Variants in FUT2 observed in about 807,000 individuals in gnomAD.
FUT2 encodes fucosyltransferase 2 (H blood group).
For missense variants in FUT2, 419 were observed against 465.8 expected, an observed-to-expected ratio of 0.90 and a Z score of 0.93; for synonymous variants, 182 against 193.1, an observed-to-expected ratio of 0.94 and a Z score of 0.48.
chr19:48,697,145 A>G (rs2032426047), intron 1 of FUT2, among the ~76,000 whole-genome samples: 2 of 151,216 alleles, frequency 1.3e-5, no homozygotes, highest in Non-Finnish European at 2.9e-5. Context: ...CAGGAGTTCG[A>G]GACCAGTCTG....
At chr19:48,696,218 A>G (rs1404032846) in intron 1 of FUT2, 129 bp downstream of exon 1, 2 of 152,050 alleles carry the variant, frequency 1.3e-5, no homozygotes, top group African/African-American at 2.4e-5. Flanking sequence ...AGGCACCCCC[A>G]ACTCAGGACC....
At chr19:48,697,276 C>CGGA (rs1211321948) in intron 1 of FUT2, among the ~76,000 whole-genome samples, 1 of 137,242 alleles carries the variant, frequency 7.3e-6, no homozygotes. Flanking sequence ...ACCCGGGAGG[C>CGGA]GGAGGTTGTG....
rs2032449278 is a variant in FUT2 at position 48,698,160 on chromosome 19, T to C, written c.-3+2071T>C. Among the ~76,000 whole-genome samples the C allele has an allele frequency of 2.0e-5, 3 of 151,660 alleles. No homozygotes were observed. The South Asian group carries it at 6.4e-4, about 32-fold the overall frequency. ...ACAAGGACAATGAAACACAGAGAGG[T>C]AAAAGCCCTGGGTTAAAGTCACACA... On this transcript the variant is annotated intron_variant, in intron 1 of 1. Coordinates refer to ENST00000425340, the MANE Select transcript of FUT2 (RefSeq NM_000511.6).
intron 1 of FUT2, among the ~76,000 whole-genome samples, chr19:48,696,978 G>A (rs2032422310): frequency 6.6e-6 from 1 of 152,052 alleles, no homozygotes; most frequent in African/African-American, 2.4e-5. Flanking sequence ...AAGGGGCTGC[G>A]AGCTGGGAAG....
rs909168641 is a variant in FUT2 at position 48,705,451 on chromosome 19, C to G, written c.*1463C>G. On this transcript the variant is annotated 3_prime_UTR_variant, in exon 2 of 2. Coordinates refer to ENST00000425340, the MANE Select transcript of FUT2 (RefSeq NM_000511.6). ...CTAGTTAGTCCATCTGGAAGTGGAG[C>G]CTTTTTCCAGTTTGCACAAATGTGC... 1 of 166,948 alleles carries G rather than the reference C, an allele frequency of 6.0e-6. No homozygotes were observed. The highest frequency in any genetic ancestry group is 2.4e-5 in the African/African-American group (1 of 41,416). The allele number at this position is 166,948 out of a possible 1,614,324, so 10.3% of individuals were successfully genotyped here.
Position 48,703,514 on chromosome 19 carries a change from G to C in FUT2, c.558G>C (p.Gln186His), listed in dbSNP as rs142550481. 1.3e-5 allele frequency: 21 copies of C among 1,613,054 alleles called. No homozygotes were observed. In the African/African-American group the frequency reaches 2.5e-4, roughly 19 times the overall value. ...EEAQKFLRGL[Q>H]VNGSRPGTFV... ...CCCAGAAGTTCCTGCGGGGCCTGCA[G>C]GTGAACGGGAGCCGGCCGGGCACCT... The change falls in exon 2 of 2, where the codon CAG (glutamine) becomes CAC (histidine). Residue 186 changes from glutamine (Q) to histidine (H), a missense_variant. Gln to His is a conservative substitution (Grantham distance 24). Coordinates refer to ENST00000425340, the MANE Select transcript of FUT2 (RefSeq NM_000511.6).
intron 1 of FUT2, among the ~76,000 whole-genome samples, chr19:48,698,588 T>C (rs1240037282): frequency 6.6e-6 from 1 of 151,994 alleles, no homozygotes; most frequent in Non-Finnish European, 1.5e-5. Flanking sequence ...ATTACAGGCA[T>C]GTGCCACCAC....
intron 1 of FUT2, among the ~76,000 whole-genome samples, chr19:48,699,843 G>T (rs187430888): frequency 1.3e-5 from 2 of 152,060 alleles, no homozygotes; most frequent in Non-Finnish European, 2.9e-5. Flanking sequence ...TTGTAGTGAT[G>T]AGAAAGGAGC....
At chr19:48,699,838 G>A (rs2032478091) in intron 1 of FUT2, among the ~76,000 whole-genome samples, 1 of 151,960 alleles carries the variant, frequency 6.6e-6, no homozygotes, top group South Asian at 2.1e-4. Flanking sequence ...TACTTTTGTA[G>A]TGATGAGAAA....
At position 48,704,809 on chromosome 19, in the gene FUT2, G is replaced by A. The variant is rs184968768; in HGVS notation, c.*821G>A. On this transcript the variant is annotated 3_prime_UTR_variant, in exon 2 of 2. Transcript: ENST00000425340. ...CCATGTGACCCGATAGGAGGCAAAAGAAATGAGACTTCTGGGATTAGTTTA... is the reference window on the plus strand; with the variant it reads ...CCATGTGACCCGATAGGAGGCAAAAAAAATGAGACTTCTGGGATTAGTTTA... 2 of 413,272 alleles carry A rather than the reference G, an allele frequency of 4.8e-6. No individual in the cohort carries two copies. Among genetic ancestry groups the A allele is most frequent in the African/African-American group, 4.1e-5 (2 of 48,620 alleles). The allele number at this position is 413,272 out of a possible 1,614,324, so 25.6% of individuals were successfully genotyped here. A position where few individuals can be genotyped will look rare whatever the true frequency, so the allele number is the denominator to read the frequency against.
chr19:48,699,800 A>G (rs1415656155), intron 1 of FUT2, among the ~76,000 whole-genome samples: 2 of 152,022 alleles, frequency 1.3e-5, no homozygotes, highest in Admixed American at 6.6e-5. Flanking sequence ...CGAGTCCAGC[A>G]TTCTGTGTTG....
rs755120727 is a variant in FUT2 at position 48,703,860 on chromosome 19, GAC to G, written c.907_908del (p.Thr303HisfsTer18). 1 of 1,613,618 alleles carries G rather than the reference GAC, an allele frequency of 6.2e-7. No homozygotes were observed. Among genetic ancestry groups the G allele is most frequent in the South Asian group, 1.1e-5 (1 of 90,632 alleles). Reference protein sequence around the residue: ...GIWAAYLTGGDTIYLANYTLP... With the variant: ...GIWAAYLTGGXTIYLANYTLP... ...CTGGGCCGCATACCTCACGGGCGGA[GAC>G]ACCATCTACCTGGCCAATTACACCC... On this transcript the variant is annotated frameshift_variant, in exon 2 of 2. Coordinates refer to ENST00000425340, the MANE Select transcript of FUT2 (RefSeq NM_000511.6). LOFTEE classifies it high-confidence loss of function.
At chr19:48,697,626 G>A (rs2032439474) in intron 1 of FUT2, among the ~76,000 whole-genome samples, 1 of 152,102 alleles carries the variant, frequency 6.6e-6, no homozygotes, top group Admixed American at 6.5e-5. Context: ...CTGAATACCA[G>A]GGACAGCCCA....
chr19:48,705,115 T>TTTTTTTC lies in FUT2; in HGVS notation c.*1133_*1134insCTTTTTT, dbSNP rs2032616597. 1.4e-5 allele frequency: 3 copies of TTTTTTTC among 216,030 alleles called. No homozygotes were observed. Among genetic ancestry groups the TTTTTTTC allele is most frequent in the African/African-American group, 8.3e-5 (3 of 36,108 alleles). 13.4% of individuals were successfully genotyped at this position (216,030 alleles called of 1,614,324 possible). A position where few individuals can be genotyped will look rare whatever the true frequency, so the allele number is the denominator to read the frequency against. ...GTTTTCTTTTCTTTTTCTTTTCTTT[T>TTTTTTTC]TTTTTTTTTTTTTGAGATGGAGTCT... On this transcript the variant is annotated 3_prime_UTR_variant, in exon 2 of 2. Transcript: ENST00000425340.
chr19:48,699,585 C>T (rs2032474102), intron 1 of FUT2, among the ~76,000 whole-genome samples: 1 of 152,066 alleles, frequency 6.6e-6, no homozygotes, highest in Non-Finnish European at 1.5e-5. Flanking sequence ...CTGGGTTCTT[C>T]ACCCAGAGCC....
At position 48,705,079 on chromosome 19, in the gene FUT2, G is replaced by T; in HGVS notation, c.*1091G>T. 1 of 318,676 alleles carries T rather than the reference G, an allele frequency of 3.1e-6. No homozygotes were observed. The highest frequency in any genetic ancestry group is 6.0e-6 in the Non-Finnish European group (1 of 167,008). 19.7% of individuals were successfully genotyped at this position (318,676 alleles called of 1,614,324 possible). A position where few individuals can be genotyped will look rare whatever the true frequency, so the allele number is the denominator to read the frequency against. On this transcript the variant is annotated 3_prime_UTR_variant, in exon 2 of 2. Coordinates refer to ENST00000425340, the MANE Select transcript of FUT2 (RefSeq NM_000511.6). The stretch of plus-strand genomic sequence containing the variant: ...GTGTCCTTGGCATTGTGTCCACCCA[G>T]AGAGCTCACTGTTTTCTTTTCTTTT...
At position 48,703,085 on chromosome 19, in the gene FUT2, G is replaced by A. The variant is rs757377669; in HGVS notation, c.129G>A (p.Val43=). The change falls in exon 2 of 2, where the codon GTG becomes GTA. Residue 43 remains valine (V), a synonymous_variant. Coordinates refer to ENST00000425340, the MANE Select transcript of FUT2 (RefSeq NM_000511.6). ...AKIQAMWELP[V]QIPVLASTSK... ...TTCAAGCCATGTGGGAGTTACCGGT[G>A]CAGATACCAGTGCTAGCCTCAACAT... is the stretch of plus-strand genomic sequence containing the variant. 2 of 1,613,318 alleles carry A rather than the reference G, an allele frequency of 1.2e-6. No homozygotes were observed. The highest frequency in any genetic ancestry group is 1.7e-5 in the Admixed American group (1 of 60,010).
chr19:48,702,859 C>A, intron 1 of FUT2, 96 bp from the exon 2 acceptor site: 3 of 1,158,966 alleles, frequency 2.6e-6, no homozygotes, highest in Non-Finnish European at 3.9e-6. Flanking sequence ...CACACACACA[C>A]CCACACTATG....
rs779566586 is a variant in FUT2 at position 48,703,007 on chromosome 19, C to CT, written c.54dup (p.Val19CysfsTer226). The CT allele has an allele frequency of 1.9e-6, 3 of 1,613,170 alleles. No homozygotes were observed. In the South Asian group the frequency reaches 3.3e-5, roughly 18 times the overall value. ...CCTTTCCCATGGCCCACTTCATCCT[C>CT]TTTGTCTTTACGGTTTCCACTATAT... is the stretch of plus-strand genomic sequence containing the variant. On this transcript the variant is annotated frameshift_variant, in exon 2 of 2. Coordinates refer to ENST00000425340, the MANE Select transcript of FUT2 (RefSeq NM_000511.6). LOFTEE classifies it low-confidence loss of function (END_TRUNC).
Sources: allele counts gnomAD v4.1 joint callset (sites outside exome capture counted in the v4.1 genomes callset), GRCh38; gene constraint gnomAD v4.1.1; transcripts MANE v1.5; gene names NCBI Gene and HGNC (gene_info 2026-07-23, HGNC 2026-07-21).